Variants in RPS6KC1 observed in about 807,000 individuals in gnomAD.
RPS6KC1 encodes inactive ribosomal protein S6 kinase delta-1.
A neutral mutation model predicts 103.8 loss-of-function variants in RPS6KC1; 54 were observed. That is an observed-to-expected ratio of 0.52 (90% CI 0.42 to 0.65). The LOEUF is 0.65. Among genes scored for constraint, RPS6KC1 ranks in the 30% least tolerant of loss-of-function variants. The pLI, the probability that RPS6KC1 is intolerant of heterozygous loss-of-function variation, is 0.00. For synonymous variants in RPS6KC1, 439 were observed against 438.7 expected (o/e 1.00, Z -0.01); for missense variants, 1,151 against 1,253.8 (o/e 0.92, Z 1.24).
chr1:213,461,518 G>A, the RPS6KC1 span, among the ~76,000 whole-genome samples: 12 of 152,180 alleles, frequency 7.9e-5, no homozygotes, highest in African/African-American at 2.9e-4. Flanking sequence ...CATGCTACCT[G>A]ACTTTAAACT....
the RPS6KC1 span, among the ~76,000 whole-genome samples, chr1:213,320,228 G>A: frequency 6.6e-6 from 1 of 152,236 alleles, no homozygotes; most frequent in African/African-American, 2.4e-5. Context: ...CTAAGGGAAT[G>A]CACTTGCAAC....
chr1:213,350,271 T>C, the RPS6KC1 span, among the ~76,000 whole-genome samples: 1 of 152,222 alleles, frequency 6.6e-6, no homozygotes, highest in African/African-American at 2.4e-5. Flanking sequence ...CTTGCAGCCT[T>C]GCAGTGGGAA....
chr1:213,759,052 A>G, the RPS6KC1 span, among the ~76,000 whole-genome samples: 1 of 152,176 alleles, frequency 6.6e-6, no homozygotes, highest in African/African-American at 2.4e-5. Context: ...TTGTGAAAGG[A>G]AAGTCCATTG....
chr1:213,726,060 A>G, the RPS6KC1 span, among the ~76,000 whole-genome samples: 1 of 152,100 alleles, frequency 6.6e-6, no homozygotes, highest in African/African-American at 2.4e-5. Flanking sequence ...AGCTTTTGTC[A>G]AAGTTTTCTC....
the RPS6KC1 span, among the ~76,000 whole-genome samples, chr1:213,418,059 C>A: frequency 6.8e-3 from 1,040 of 152,230 alleles, 11 homozygotes; most frequent in African/African-American, 0.023. Flanking sequence ...GGGAGCAAAC[C>A]CCCAGCTCCC....
At chr1:213,570,868 C>A in the RPS6KC1 span, among the ~76,000 whole-genome samples, 1 of 152,176 alleles carries the variant, frequency 6.6e-6, no homozygotes, top group African/African-American at 2.4e-5. Flanking sequence ...AGGGGCAGAC[C>A]AAATTGGACT....
chr1:213,266,582 A>G (rs2094916971), intron 14 of RPS6KC1, among the ~76,000 whole-genome samples: 1 of 152,186 alleles, frequency 6.6e-6, no homozygotes. Flanking sequence ...ATCAAAGGAT[A>G]CAACAATCTG....
chr1:213,363,235 T>C, the RPS6KC1 span, among the ~76,000 whole-genome samples: 5 of 152,184 alleles, frequency 3.3e-5, no homozygotes, highest in African/African-American at 7.2e-5. Context: ...ATTCAACTTA[T>C]TAGGTTCTGA....
At chr1:213,330,932 C>T in the RPS6KC1 span, among the ~76,000 whole-genome samples, 5 of 152,110 alleles carry the variant, frequency 3.3e-5, no homozygotes, top group Non-Finnish European at 7.3e-5. Flanking sequence ...CTCTGCTGAG[C>T]CATTCACAAC....
the RPS6KC1 span, among the ~76,000 whole-genome samples, chr1:213,862,571 C>T: frequency 6.6e-6 from 1 of 152,140 alleles, no homozygotes; most frequent in Non-Finnish European, 1.5e-5. Flanking sequence ...ATTTCACTCT[C>T]ATTTAGCTAT....
chr1:213,240,304 C>T (rs1182325673), intron 10 of RPS6KC1, among the ~76,000 whole-genome samples: 1 of 151,964 alleles, frequency 6.6e-6, no homozygotes, highest in East Asian at 1.9e-4. Flanking sequence ...TATGTATTTC[C>T]ACTTGACCAA....
chr1:213,433,346 AGTAACCTTAATTAC>A, the RPS6KC1 span, among the ~76,000 whole-genome samples: 1 of 152,240 alleles, frequency 6.6e-6, no homozygotes, highest in African/African-American at 2.4e-5. Context: ...CATCAAAGTC[AGTAACCTTAATTAC>A]AACTGCAAAG....
chr1:213,643,470 AT>A, the RPS6KC1 span, among the ~76,000 whole-genome samples: 3 of 150,942 alleles, frequency 2.0e-5, no homozygotes, highest in Middle Eastern at 3.4e-3. Context: ...AATGCTGTTG[AT>A]TTTTTTTCAT....
At chr1:213,539,386 G>A in the RPS6KC1 span, among the ~76,000 whole-genome samples, 1 of 152,226 alleles carries the variant, frequency 6.6e-6, no homozygotes, top group Non-Finnish European at 1.5e-5. Context: ...TGTGGTTGGT[G>A]CTATTGCTGC....
intron 3 of RPS6KC1, among the ~76,000 whole-genome samples, chr1:213,097,901 T>C (rs1052931002): frequency 1.3e-5 from 2 of 152,198 alleles, no homozygotes; most frequent in African/African-American, 4.8e-5. Context: ...TCAGCCTTCA[T>C]AGAATTAGAG....
chr1:213,275,565 G>A (rs144934131), downstream of RPS6KC1, among the ~76,000 whole-genome samples: 851 of 152,036 alleles, frequency 5.6e-3, 6 homozygotes, highest in Non-Finnish European at 7.3e-3. Context: ...TTTTCAACTT[G>A]TTATAATGAC....
At chr1:213,346,029 A>C in the RPS6KC1 span, among the ~76,000 whole-genome samples, 3 of 152,220 alleles carry the variant, frequency 2.0e-5, no homozygotes, top group African/African-American at 7.2e-5. Context: ...TCTCATATAC[A>C]TCCCACCCTA....
chr1:213,801,879 G>T, the RPS6KC1 span, among the ~76,000 whole-genome samples: 2 of 152,254 alleles, frequency 1.3e-5, no homozygotes, highest in African/African-American at 4.8e-5. Context: ...AACTTGGAGA[G>T]AAGAGGTAGG....
the RPS6KC1 span, among the ~76,000 whole-genome samples, chr1:213,734,471 C>G: frequency 6.6e-6 from 1 of 152,098 alleles, no homozygotes; most frequent in Non-Finnish European, 1.5e-5. Flanking sequence ...GTCAGTTGTA[C>G]AGTCAGTAGG....
Sources: gnomAD v4.1 joint callset for allele counts (sites outside exome capture counted in the v4.1 genomes callset) on GRCh38, gnomAD v4.1.1 for gene constraint, MANE v1.5 for transcripts, NCBI Gene and HGNC (gene_info 2026-07-23, HGNC 2026-07-21) for gene names.